GABRG3: variants seen among roughly 807,000 people sequenced by gnomAD.
The protein encoded by GABRG3 is gamma-aminobutyric acid receptor subunit gamma-3.
GABRG3 carries 25 observed loss-of-function variants against 48.8 expected under a neutral mutation model. The observed-to-expected ratio is 0.51, with a 90% CI of 0.37 to 0.72. The LOEUF (loss-of-function observed/expected upper bound fraction) is 0.72. Ranked by LOEUF, GABRG3 falls within the 30% of genes least tolerant of loss-of-function variation. The pLI is 0.00. For missense variants in GABRG3, 394 were observed against 577.9 expected, an observed-to-expected ratio of 0.68 and a Z score of 3.26; for synonymous variants, 227 against 217.6, an observed-to-expected ratio of 1.04 and a Z score of -0.38.
chr15:27,069,202 T>C (rs185006499), intron 3 of GABRG3, among the ~76,000 whole-genome samples: 1 of 152,318 alleles, frequency 6.6e-6, no homozygotes, highest in Admixed American at 6.5e-5. Context: ...GCTCAGTGCT[T>C]CTTAACAATG....
intron 3 of GABRG3, among the ~76,000 whole-genome samples, chr15:27,182,191 T>A (rs1222663275): frequency 6.6e-6 from 1 of 152,132 alleles, no homozygotes; most frequent in East Asian, 1.9e-4. Context: ...AGTCACCGTC[T>A]ACAGTTTCTG....
chr15:27,393,378 G>T (rs1320020546), intron 5 of GABRG3, among the ~76,000 whole-genome samples: 1 of 149,956 alleles, frequency 6.7e-6, no homozygotes, highest in Admixed American at 6.6e-5. Context: ...GAAAAGAAAA[G>T]AATCAGGACA....
intron 3 of GABRG3, among the ~76,000 whole-genome samples, chr15:27,103,030 C>A (rs1445710173): frequency 6.6e-6 from 1 of 152,156 alleles, no homozygotes; most frequent in Non-Finnish European, 1.5e-5. Context: ...TGGATTATGC[C>A]TTCAGCATTC....
chr15:27,104,975 T>C (rs952989633), intron 3 of GABRG3, among the ~76,000 whole-genome samples: 2 of 152,142 alleles, frequency 1.3e-5, no homozygotes, highest in African/African-American at 2.4e-5. Flanking sequence ...AAAGTAGAGA[T>C]TGGCAGAGTG....
chr15:27,326,292 G>A (rs1328512609), intron 3 of GABRG3, among the ~76,000 whole-genome samples: 3 of 152,176 alleles, frequency 2.0e-5, no homozygotes, highest in African/African-American at 7.2e-5. Flanking sequence ...TTTGTTGCTT[G>A]AGAAGACTCA....
rs140465796 is a variant in GABRG3, at chr15:27,268,825, A to C, written c.271-57984A>C. Among the ~76,000 whole-genome samples, 157 of 152,126 alleles carry C rather than the reference A, an allele frequency of 1.0e-3. 2 individuals carry two copies. The East Asian group carries it at 0.025, about 24-fold the overall frequency. On this transcript the variant is annotated intron_variant, in intron 3 of 9. Transcript: ENST00000615808. Reference sequence around the variant, plus strand: ...CCCATACTCTCAGCTTCATTTCTTCACCTCAAGGAGTCCTCTTGGCTTCCC... The same window carrying C: ...CCCATACTCTCAGCTTCATTTCTTCCCCTCAAGGAGTCCTCTTGGCTTCCC...
At chr15:27,531,230 A>G (rs1891416033) in intron 9 of GABRG3, among the ~76,000 whole-genome samples, 1 of 152,154 alleles carries the variant, frequency 6.6e-6, no homozygotes, top group Non-Finnish European at 1.5e-5. Flanking sequence ...CATCCTGCTA[A>G]TTTAGGTCTG....
intron 5 of GABRG3, among the ~76,000 whole-genome samples, chr15:27,351,613 ATG>A (rs1220969730): frequency 5.7e-5 from 6 of 106,134 alleles, no homozygotes; most frequent in East Asian, 3.1e-4. Context: ...TGTGTATGGT[ATG>A]TGTGTGTATG....
At chr15:27,116,831 C>T (rs1226353462) in intron 3 of GABRG3, among the ~76,000 whole-genome samples, 1 of 152,202 alleles carries the variant, frequency 6.6e-6, no homozygotes, top group Non-Finnish European at 1.5e-5. Context: ...TTCATGCCTT[C>T]CTCCCTGTAA....
intron 3 of GABRG3, among the ~76,000 whole-genome samples, chr15:27,274,696 A>G (rs751260672): frequency 1.1e-4 from 17 of 152,246 alleles, no homozygotes; most frequent in Middle Eastern, 3.4e-3. Context: ...CCACTCCTCC[A>G]TGGAGCACTT....
intron 5 of GABRG3, among the ~76,000 whole-genome samples, chr15:27,424,516 C>A (rs1482328388): frequency 6.7e-6 from 1 of 149,724 alleles, no homozygotes; most frequent in East Asian, 2.0e-4. Flanking sequence ...CATGAGAGAT[C>A]TACTCTCATG....
At chr15:27,479,590 A>G (rs1023150849) in intron 5 of GABRG3, among the ~76,000 whole-genome samples, 1 of 152,256 alleles carries the variant, frequency 6.6e-6, no homozygotes, top group Non-Finnish European at 1.5e-5. Context: ...CAACCACTTT[A>G]TTAATATGTT....
chr15:27,341,749 T>G (rs541554038), intron 5 of GABRG3, among the ~76,000 whole-genome samples: 12 of 152,110 alleles, frequency 7.9e-5, no homozygotes, highest in Non-Finnish European at 1.6e-4. Flanking sequence ...TTATTGTTGT[T>G]ATTGGTGGAG....
At chr15:27,336,224 G>T (rs944275744) in intron 5 of GABRG3, among the ~76,000 whole-genome samples, 4 of 144,516 alleles carry the variant, frequency 2.8e-5, no homozygotes, top group African/African-American at 8.4e-5. Flanking sequence ...GAGAGAGAGA[G>T]AGAGAGAGAG....
chr15:27,241,826 TTC>T (rs1469673861), intron 3 of GABRG3, among the ~76,000 whole-genome samples: 1 of 152,228 alleles, frequency 6.6e-6, no homozygotes, highest in East Asian at 1.9e-4. Flanking sequence ...TGACTTTGTG[TTC>T]TTTTAGTTTT....
At chr15:27,497,918 T>A (rs981781215) in intron 6 of GABRG3, among the ~76,000 whole-genome samples, 8 of 152,230 alleles carry the variant, frequency 5.3e-5, no homozygotes, top group Non-Finnish European at 1.2e-4. Flanking sequence ...ACAAAGGTAA[T>A]CATCTGCAAC....
At chr15:27,270,972 G>C (rs984552321) in intron 3 of GABRG3, among the ~76,000 whole-genome samples, 1 of 152,186 alleles carries the variant, frequency 6.6e-6, no homozygotes, top group Admixed American at 6.5e-5. Context: ...TGGGGGAATG[G>C]GTGGCCAGGA....
intron 3 of GABRG3, among the ~76,000 whole-genome samples, chr15:27,202,484 T>C (rs1595582779): frequency 6.6e-6 from 1 of 152,216 alleles, no homozygotes; most frequent in South Asian, 2.1e-4. Context: ...TAAATTTTAA[T>C]AGATTGGCAG....
At position 26,976,650 on chromosome 15, in the gene GABRG3, C is replaced by T. The variant is rs1179325963; in HGVS notation, c.54-352C>T. 6.6e-6 allele frequency among the ~76,000 whole-genome samples: 1 copy of T among 152,130 alleles called. No homozygotes were observed. The highest frequency in any genetic ancestry group is 2.4e-5 in the African/African-American group (1 of 41,428). On this transcript the variant is annotated intron_variant, in intron 1 of 9. Coordinates refer to ENST00000615808, the MANE Select transcript of GABRG3 (RefSeq NM_033223.5). The surrounding 1 kb of genome is among the most constrained non-coding windows in gnomAD (Gnocchi z 7.8). ...ATAGAAAACCTCTAGAAGGTTTGTG[C>T]CTTGACCTTCACAGGCTATCGGGGT...
Sources: allele counts gnomAD v4.1 joint callset (sites outside exome capture counted in the v4.1 genomes callset), GRCh38; gene constraint gnomAD v4.1.1; non-coding constraint Gnocchi (gnomAD v3.1); transcripts MANE v1.5; gene names NCBI Gene and HGNC (gene_info 2026-07-23, HGNC 2026-07-21).